TOR1AIP1: variants seen among roughly 807,000 people sequenced by gnomAD.
The protein encoded by TOR1AIP1 is torsin-1A-interacting protein 1.
TOR1AIP1 carries 54 observed loss-of-function variants against 63.3 expected under a neutral mutation model. The ratio of observed to expected loss-of-function variants is 0.85; its 90% confidence interval spans 0.69 to 1.07. TOR1AIP1 has a LOEUF of 1.07. TOR1AIP1 is among the 50% of genes least tolerant of loss of function. The pLI is 0.00. For missense variants in TOR1AIP1, 736 were observed against 715.0 expected (o/e 1.03, Z -0.33); for synonymous variants, 294 against 273.5 (o/e 1.07, Z -0.74).
chr1:179,883,806 AATCT>A, intron 1 of TOR1AIP1: 1 of 397,226 alleles, frequency 2.5e-6, no homozygotes, highest in African/African-American at 2.1e-5. Flanking sequence ...CAGTTTCCTT[AATCT>A]ATCCTCTCCC....
At chr1:179,904,158 A>G (rs1648551261) in intron 6 of TOR1AIP1, 136 bp downstream of exon 6, 1 of 617,734 alleles carries the variant, frequency 1.6e-6, no homozygotes, top group East Asian at 3.0e-5. Context: ...AACTTATCCG[A>G]TATCTCTCTA....
chr1:179,908,896 T>C (rs1443408519), intron 8 of TOR1AIP1, among the ~76,000 whole-genome samples: 1 of 152,178 alleles, frequency 6.6e-6, no homozygotes, highest in African/African-American at 2.4e-5. Flanking sequence ...CCAGGTGCGG[T>C]GGCTCACGCC....
intron 3 of TOR1AIP1, among the ~76,000 whole-genome samples, chr1:179,890,763 T>G (rs1648051505): frequency 6.6e-6 from 1 of 152,112 alleles, no homozygotes; most frequent in Non-Finnish European, 1.5e-5. Context: ...GGAACTACAG[T>G]CATGCATCAC....
intron 8 of TOR1AIP1, 76 bp downstream of exon 8, chr1:179,908,749 T>C (rs1471253928): frequency 8.1e-7 from 1 of 1,234,116 alleles, no homozygotes; most frequent in African/African-American, 1.5e-5. Flanking sequence ...TATTTAGTTC[T>C]TCAGATAAAC....
intron 4 of TOR1AIP1, chr1:179,900,402 T>C (rs935110219): frequency 2.0e-5 from 6 of 296,010 alleles, no homozygotes; most frequent in Non-Finnish European, 3.2e-5. Flanking sequence ...TTCAATATGG[T>C]GACCTCCCGG....
chr1:179,885,341 G>A (rs1477549227), intron 2 of TOR1AIP1, among the ~76,000 whole-genome samples: 2 of 152,160 alleles, frequency 1.3e-5, no homozygotes, highest in African/African-American at 4.8e-5. Flanking sequence ...ATAATTATAT[G>A]ATGCATCCCA....
chr1:179,919,295 A>T lies in TOR1AIP1; in HGVS notation c.*1056A>T, dbSNP rs1649120704. 1 of 152,100 alleles carries T rather than the reference A, an allele frequency of 6.6e-6. No homozygotes were observed. The highest frequency in any genetic ancestry group is 1.5e-5 in the Non-Finnish European group (1 of 68,022). The allele number at this position is 152,100 out of a possible 1,614,324, so 9.4% of individuals were successfully genotyped here. ...AAAAAAAAGTAGGTCAATTCGTAACAGTTTATTTTGGACACACCCTGAAGC... is the reference window on the plus strand; with the variant it reads ...AAAAAAAAGTAGGTCAATTCGTAACTGTTTATTTTGGACACACCCTGAAGC... On this transcript the variant is annotated 3_prime_UTR_variant, in exon 10 of 10. Transcript: ENST00000606911.
At chr1:179,917,399 C>T (rs1571740541) in intron 9 of TOR1AIP1, 53 bp from the exon 10 acceptor site, 1 of 1,486,694 alleles carries the variant, frequency 6.7e-7, no homozygotes, top group East Asian at 2.3e-5. Flanking sequence ...TCACTTGCCC[C>T]TGAATCTAAG....
chr1:179,884,279 G>A (rs922585810), intron 1 of TOR1AIP1, among the ~76,000 whole-genome samples: 2 of 152,084 alleles, frequency 1.3e-5, no homozygotes, highest in Non-Finnish European at 2.9e-5. Context: ...ATGTTACATT[G>A]TATTGAGTTC....
chr1:179,908,793 C>T (rs1319492743), intron 8 of TOR1AIP1, 120 bp downstream of exon 8: 2 of 796,494 alleles, frequency 2.5e-6, no homozygotes, highest in Non-Finnish European at 4.0e-6. Context: ...TAATAAAGTA[C>T]AGCTATGATT....
intron 3 of TOR1AIP1, among the ~76,000 whole-genome samples, chr1:179,894,250 CAA>C (rs34076333): frequency 6.2e-4 from 39 of 62,968 alleles, no homozygotes; most frequent in Admixed American, 7.3e-4. Flanking sequence ...GACTCTGTCT[CAA>C]AAAAAAAAAA....
chr1:179,900,579 A>G (rs956376301), intron 4 of TOR1AIP1: 1 of 150,874 alleles, frequency 6.6e-6, no homozygotes, highest in Non-Finnish European at 1.5e-5. Context: ...AAAAAAAAAA[A>G]CAAAAAGAAG....
intron 5 of TOR1AIP1, among the ~76,000 whole-genome samples, 153 bp downstream of exon 5, chr1:179,901,541 G>A (rs988379523): frequency 6.6e-6 from 1 of 151,608 alleles, no homozygotes; most frequent in Non-Finnish European, 1.5e-5. Context: ...TACTGATTTC[G>A]TGTTCATCCG....
At chr1:179,895,964 T>G (rs369795208) in intron 3 of TOR1AIP1, among the ~76,000 whole-genome samples, 31 of 151,334 alleles carry the variant, frequency 2.0e-4, no homozygotes, top group African/African-American at 7.3e-4. Flanking sequence ...GCTTTAACTT[T>G]CGACATGTAG....
chr1:179,911,456 T>TCCCA (rs989647533), intron 8 of TOR1AIP1, among the ~76,000 whole-genome samples: 3 of 152,220 alleles, frequency 2.0e-5, no homozygotes, highest in Non-Finnish European at 4.4e-5. Context: ...TGTAGACAGG[T>TCCCA]CCCAGTTCAG....
rs139306944 is a variant in TOR1AIP1 at position 179,909,034 on chromosome 1, G to A, written c.907+361G>A. 5.7e-3 allele frequency among the ~76,000 whole-genome samples: 872 copies of A among 152,232 alleles called. 7 individuals are homozygous for A. Among genetic ancestry groups the A allele is most frequent in the African/African-American group, 0.02 (842 of 41,558 alleles). ...TTTAAAAAAGAAAAATTAGCTGGGC[G>A]TGGCGGCGGGAGGCTACTCGGGAGG... On this transcript the variant is annotated intron_variant, in intron 8 of 9. Coordinates refer to ENST00000606911, the MANE Select transcript of TOR1AIP1 (RefSeq NM_015602.4).
chr1:179,884,330 A>C (rs1219098290), intron 1 of TOR1AIP1, among the ~76,000 whole-genome samples: 1 of 152,178 alleles, frequency 6.6e-6, no homozygotes, highest in Non-Finnish European at 1.5e-5. Context: ...CTTTTTTTTA[A>C]CAAGTAAAGA....
intron 3 of TOR1AIP1, among the ~76,000 whole-genome samples, chr1:179,897,077 AT>A (rs748944509): frequency 3.3e-5 from 5 of 152,240 alleles, no homozygotes; most frequent in Non-Finnish European, 7.3e-5. Flanking sequence ...TCAAGATAGC[AT>A]TGCATAACTA....
At position 179,882,309 on chromosome 1, in the gene TOR1AIP1, A is replaced by C; in HGVS notation, c.-194A>C. The C allele has an allele frequency of 2.0e-6, 1 of 490,002 alleles. No homozygotes were observed. Among genetic ancestry groups the C allele is most frequent in the Non-Finnish European group, 3.4e-6 (1 of 291,376 alleles). 30.4% of individuals were successfully genotyped at this position (490,002 alleles called of 1,614,324 possible). The stretch of plus-strand genomic sequence containing the variant: ...CACTGCCTCTCTCACAGCCCTCAAG[A>C]CACACCATGGGCCCAGAGGCAGGTT... On this transcript the variant is annotated 5_prime_UTR_variant, in exon 1 of 10. Transcript: ENST00000606911.
Sources: gnomAD v4.1 joint callset for allele counts (sites outside exome capture counted in the v4.1 genomes callset) on GRCh38, gnomAD v4.1.1 for gene constraint, MANE v1.5 for transcripts, NCBI Gene and HGNC (gene_info 2026-07-23, HGNC 2026-07-21) for gene names.